Variants in VRK2 observed in about 807,000 individuals in gnomAD.
The protein encoded by VRK2 is serine/threonine-protein kinase VRK2.
VRK2 carries 60 observed loss-of-function variants against 57.6 expected under a neutral mutation model. That is an observed-to-expected ratio of 1.04 (90% CI 0.85 to 1.29). The LOEUF (loss-of-function observed/expected upper bound fraction) is 1.29, where lower values mean the gene tolerates loss of function less well. VRK2 is among the 50% of genes most tolerant of loss of function. The pLI, the probability that VRK2 is intolerant of heterozygous loss-of-function variation, is 0.00. For missense variants in VRK2, 705 were observed against 588.1 expected (o/e 1.20, Z -2.06); for synonymous variants, 231 against 199.2 (o/e 1.16, Z -1.35).
chr2:58,159,330 A>G lies in VRK2; in HGVS notation c.1183-19A>G, dbSNP rs1440839237. 4.5e-6 allele frequency: 7 copies of G among 1,562,600 alleles called. No individual in the cohort carries two copies. The highest frequency in any genetic ancestry group is 2.2e-5 in the East Asian group (1 of 44,638). On this transcript the variant is annotated intron_variant, in intron 12 of 12. Transcript: ENST00000340157. ...ACTCACGTCTAACAAACTAAACTAT[A>G]TATGTATTTTTTCCATAGGAAAGCA...
chr2:57,989,916 C>A (rs1397253907), intron 1 of VRK2, among the ~76,000 whole-genome samples: 1 of 152,044 alleles, frequency 6.6e-6, no homozygotes, highest in East Asian at 1.9e-4. Flanking sequence ...TTTAGAACAT[C>A]TAACTGGAAA....
intron 1 of VRK2, among the ~76,000 whole-genome samples, chr2:57,970,899 T>C (rs967752260): frequency 2.0e-5 from 3 of 152,054 alleles, no homozygotes; most frequent in African/African-American, 7.2e-5. Context: ...AGACTCTTAA[T>C]TGATAGGATT....
chr2:57,913,936 T>C (rs1425114119), intron 1 of VRK2, among the ~76,000 whole-genome samples: 1 of 152,096 alleles, frequency 6.6e-6, no homozygotes, highest in East Asian at 1.9e-4. Flanking sequence ...CCACAATAAG[T>C]TATTAGCTTG....
rs202068002 is a variant in VRK2 at position 58,084,151 on chromosome 2, C to G, written c.186+13C>G. The G allele has an allele frequency of 6.3e-7, 1 of 1,597,042 alleles. No homozygotes were observed. The highest frequency in any genetic ancestry group is 8.5e-7 in the Non-Finnish European group (1 of 1,169,864). On this transcript the variant is annotated intron_variant, in intron 3 of 12. Transcript: ENST00000340157. ...TGTAGTAAAAGTGGTAAGTGTTGCT[C>G]ATAGATTTGTATTTCACATATATTT...
chr2:58,151,291 ATGT>A (rs1237666303), intron 12 of VRK2, among the ~76,000 whole-genome samples: 1 of 151,748 alleles, frequency 6.6e-6, no homozygotes, highest in African/African-American at 2.4e-5. Flanking sequence ...TAGTAGTTAT[ATGT>A]TCTTGGTTAA....
At chr2:58,078,921 G>A (rs1327242752) in intron 2 of VRK2, among the ~76,000 whole-genome samples, 1 of 152,136 alleles carries the variant, frequency 6.6e-6, no homozygotes, top group Non-Finnish European at 1.5e-5. Context: ...CAGTCTGCCT[G>A]CCTCGGCCTC....
intron 1 of VRK2, among the ~76,000 whole-genome samples, chr2:57,913,041 G>A (rs1322043726): frequency 6.6e-6 from 1 of 152,142 alleles, no homozygotes; most frequent in African/African-American, 2.4e-5. Context: ...GCTGGAACCT[G>A]CATCTGAGAT....
chr2:58,092,175 A>C (rs1672476892), intron 7 of VRK2, among the ~76,000 whole-genome samples: 1 of 152,154 alleles, frequency 6.6e-6, no homozygotes, highest in Non-Finnish European at 1.5e-5. Flanking sequence ...ATTCCTGTTT[A>C]GAGTCAGTCC....
chr2:58,092,278 T>A (rs1672488465), intron 7 of VRK2, among the ~76,000 whole-genome samples: 1 of 152,200 alleles, frequency 6.6e-6, no homozygotes, highest in African/African-American at 2.4e-5. Context: ...AATTGTAAGG[T>A]ATGTACTGTT....
At chr2:58,140,373 C>G (rs940435302) in intron 11 of VRK2, among the ~76,000 whole-genome samples, 1 of 151,690 alleles carries the variant, frequency 6.6e-6, no homozygotes, top group Non-Finnish European at 1.5e-5. Flanking sequence ...AGACCAACAC[C>G]AACTTAAAAA....
At chr2:57,937,244 C>T (rs1488282338) in intron 1 of VRK2, among the ~76,000 whole-genome samples, 1 of 152,100 alleles carries the variant, frequency 6.6e-6, no homozygotes, top group South Asian at 2.1e-4. Flanking sequence ...CCTAGGATAC[C>T]CCATTTTTTG....
chr2:57,973,905 T>C (rs775295630), intron 1 of VRK2, among the ~76,000 whole-genome samples: 6 of 151,784 alleles, frequency 4.0e-5, no homozygotes, highest in Non-Finnish European at 1.5e-5. Flanking sequence ...CCCATTTTAG[T>C]TCTATGAGGG....
intron 2 of VRK2, among the ~76,000 whole-genome samples, chr2:58,081,272 G>A (rs1312922744): frequency 1.3e-5 from 2 of 151,872 alleles, no homozygotes; most frequent in Non-Finnish European, 2.9e-5. Flanking sequence ...GAGTGTGTGT[G>A]TGCATAAGCA....
rs147026442 is a variant in VRK2, at chr2:58,002,219, G to A, written c.-438-23446G>A. On this transcript the variant is annotated intron_variant, in intron 1 of 15. Transcript: ENST00000417641. ...GTAAAGGCTGGGCGTGGTGGTTCACGCCTGTAATCCCAGCACTTTGGGAGG... is the reference window on the plus strand; with the variant it reads ...GTAAAGGCTGGGCGTGGTGGTTCACACCTGTAATCCCAGCACTTTGGGAGG... Among the ~76,000 whole-genome samples the A allele has an allele frequency of 9.0e-3, 1,369 of 152,148 alleles. 24 individuals are homozygous for A. The highest frequency in any genetic ancestry group is 0.03 in the African/African-American group (1,246 of 41,544).
chr2:58,105,009 A>T (rs1674535369), intron 7 of VRK2, among the ~76,000 whole-genome samples: 1 of 151,774 alleles, frequency 6.6e-6, no homozygotes, highest in African/African-American at 2.4e-5. Context: ...ATTGCCATAT[A>T]CAGAATAATG....
intron 12 of VRK2, among the ~76,000 whole-genome samples, chr2:58,150,372 T>G (rs969288829): frequency 1.3e-5 from 2 of 151,424 alleles, no homozygotes; most frequent in Non-Finnish European, 3.0e-5. Context: ...TCATCTAAGT[T>G]TTCAAATTTA....
intron 1 of VRK2, among the ~76,000 whole-genome samples, chr2:57,951,055 G>A (rs1328168502): frequency 6.6e-6 from 1 of 151,954 alleles, no homozygotes; most frequent in Non-Finnish European, 1.5e-5. Flanking sequence ...TTGCAGCACT[G>A]CACTCCAGCC....
chr2:57,953,951 C>T (rs557678785), intron 1 of VRK2, among the ~76,000 whole-genome samples: 5 of 152,156 alleles, frequency 3.3e-5, no homozygotes, highest in African/African-American at 1.2e-4. Context: ...AGCTTGAATT[C>T]GGTCTTTCCC....
intron 1 of VRK2, among the ~76,000 whole-genome samples, chr2:58,007,161 C>A (rs990778777): frequency 6.6e-6 from 1 of 151,486 alleles, no homozygotes; most frequent in Non-Finnish European, 1.5e-5. Flanking sequence ...GATCTTGGGA[C>A]TTCTCAGCCT....
Sources: allele counts gnomAD v4.1 joint callset (sites outside exome capture counted in the v4.1 genomes callset), GRCh38; gene constraint gnomAD v4.1.1; transcripts MANE v1.5; gene names NCBI Gene and HGNC (gene_info 2026-07-23, HGNC 2026-07-21).